Variants in TSGA10 observed in about 807,000 individuals in gnomAD.
TSGA10 encodes the protein testis specific 10, also known as testis-specific gene 10 protein.
Under a neutral mutation model 96.6 loss-of-function variants are expected in TSGA10, and 43 were observed. That is an observed-to-expected ratio of 0.44 (90% CI 0.35 to 0.57). TSGA10 has a LOEUF of 0.57. Ranked by LOEUF, TSGA10 falls within the 20% of genes least tolerant of loss-of-function variation. TSGA10 has a pLI of 0.01. For synonymous variants in TSGA10, 229 were observed against 269.9 expected (o/e 0.85, Z 1.48); for missense variants, 703 against 834.4 (o/e 0.84, Z 1.94).
intron 1 of TSGA10, chr2:99,141,829 A>C (rs1258544940): frequency 6.6e-6 from 1 of 152,458 alleles, no homozygotes; most frequent in African/African-American, 2.4e-5. Flanking sequence ...GGTTACTCTC[A>C]GAGCTGCTTT....
intron 17 of TSGA10, among the ~76,000 whole-genome samples, chr2:99,027,156 G>A (rs2080681218): frequency 6.6e-6 from 1 of 152,216 alleles, no homozygotes; most frequent in African/African-American, 2.4e-5. Context: ...CCAGTCTGTG[G>A]TAACAGGCTA....
chr2:99,068,839 T>G, intron 15 of TSGA10, 49 bp downstream of exon 15: 1 of 880,870 alleles, frequency 1.1e-6, no homozygotes, highest in Non-Finnish European at 1.6e-6. Context: ...CTAAATTAAC[T>G]CTAGTGAAAA....
At chr2:99,077,873 G>A (rs900357037) in intron 12 of TSGA10, among the ~76,000 whole-genome samples, 1 of 151,696 alleles carries the variant, frequency 6.6e-6, no homozygotes. Context: ...GCACGCGGCC[G>A]GCAACATCTT....
At chr2:99,039,951 C>T (rs2082033302) in intron 16 of TSGA10, among the ~76,000 whole-genome samples, 2 of 152,084 alleles carry the variant, frequency 1.3e-5, no homozygotes, top group Admixed American at 1.3e-4. Flanking sequence ...ATCAGGGATG[C>T]AGGGATGGTT....
intron 13 of TSGA10, 82 bp from the exon 14 acceptor site, chr2:99,071,956 CAGTT>C: frequency 8.0e-7 from 1 of 1,243,374 alleles, no homozygotes; most frequent in Non-Finnish European, 1.1e-6. Flanking sequence ...AGAAGATGGA[CAGTT>C]AGTATGAAAA....
At chr2:99,081,978 T>C (rs775811850) in intron 10 of TSGA10, among the ~76,000 whole-genome samples, 3 of 152,010 alleles carry the variant, frequency 2.0e-5, no homozygotes, top group Non-Finnish European at 4.4e-5. Context: ...GTTTCCCATA[T>C]AAATAAGACT....
intron 1 of TSGA10, among the ~76,000 whole-genome samples, chr2:99,134,293 T>C (rs111639091): frequency 1.5e-4 from 23 of 152,284 alleles, no homozygotes; most frequent in African/African-American, 5.3e-4. Flanking sequence ...TCATCCTTTT[T>C]TCTCTAATCT....
intron 10 of TSGA10, among the ~76,000 whole-genome samples, chr2:99,096,978 T>A (rs934445465): frequency 6.6e-6 from 1 of 152,104 alleles, no homozygotes; most frequent in African/African-American, 2.4e-5. Context: ...TTAATGCATA[T>A]AGAAACCATG....
chr2:99,110,460 A>T (rs1355572226), intron 5 of TSGA10, among the ~76,000 whole-genome samples: 1 of 152,264 alleles, frequency 6.6e-6, no homozygotes, highest in Non-Finnish European at 1.5e-5. Context: ...TGTTAGATAA[A>T]TAAAACATTG....
At chr2:99,007,877 T>C (rs2078645470) in intron 20 of TSGA10, among the ~76,000 whole-genome samples, 1 of 152,158 alleles carries the variant, frequency 6.6e-6, no homozygotes, top group Admixed American at 6.5e-5. Context: ...ATAGCCTCTA[T>C]AATTAAATAG....
chr2:99,102,585 G>C, intron 10 of TSGA10: 1 of 1,614,090 alleles, frequency 6.2e-7, no homozygotes, highest in Non-Finnish European at 8.5e-7. Flanking sequence ...TATGATTATG[G>C]AACTTGCTGT....
intron 16 of TSGA10, among the ~76,000 whole-genome samples, chr2:99,036,552 A>G (rs1197805335): frequency 1.3e-5 from 2 of 152,184 alleles, no homozygotes; most frequent in Admixed American, 6.5e-5. Flanking sequence ...ACAAAATGGA[A>G]TTATATAACA....
chr2:99,098,446 AAAAAAAAAAG>A (rs1395152141), intron 10 of TSGA10, among the ~76,000 whole-genome samples: 57 of 150,324 alleles, frequency 3.8e-4, no homozygotes, highest in Admixed American at 9.3e-4. Context: ...CTCAAAAAAA[AAAAAAAAAAG>A]AAAAGAAAAG....
chr2:99,086,585 T>C (rs1041794035), intron 10 of TSGA10, among the ~76,000 whole-genome samples: 2 of 152,170 alleles, frequency 1.3e-5, no homozygotes, highest in Non-Finnish European at 2.9e-5. Context: ...TAGAAGACAC[T>C]TTTTCCAATC....
chr2:99,135,744 C>T (rs1210339810), intron 1 of TSGA10, among the ~76,000 whole-genome samples: 1 of 152,174 alleles, frequency 6.6e-6, no homozygotes, highest in East Asian at 1.9e-4. Context: ...TGCAGTGGCT[C>T]ATGCCCATAA....
chr2:99,084,944 C>G (rs182463226), intron 10 of TSGA10, among the ~76,000 whole-genome samples: 7 of 151,488 alleles, frequency 4.6e-5, no homozygotes, highest in Admixed American at 2.0e-4. Context: ...CAAGCAGAAG[C>G]TGGTATATTA....
intron 20 of TSGA10, among the ~76,000 whole-genome samples, chr2:99,011,153 G>T (rs571045404): frequency 5.1e-4 from 78 of 152,262 alleles, no homozygotes; most frequent in African/African-American, 1.9e-3. Context: ...ACTAGAGCAG[G>T]TACTGGTATC....
chr2:99,069,625 C>G (rs896341525), intron 14 of TSGA10, among the ~76,000 whole-genome samples: 2 of 121,622 alleles, frequency 1.6e-5, no homozygotes, highest in Non-Finnish European at 3.3e-5. Context: ...ATAGTGGGAA[C>G]CCAACTCTAC....
At chr2:99,153,584 T>A (rs999262529) in intron 1 of TSGA10, among the ~76,000 whole-genome samples, 7 of 152,150 alleles carry the variant, frequency 4.6e-5, no homozygotes, top group Non-Finnish European at 8.8e-5. Flanking sequence ...ACCAAAGTTG[T>A]ACCATCTCAG....
Sources: allele counts gnomAD v4.1 joint callset (sites outside exome capture counted in the v4.1 genomes callset), GRCh38; gene constraint gnomAD v4.1.1; transcripts MANE v1.5; gene names NCBI Gene and HGNC (gene_info 2026-07-23, HGNC 2026-07-21).